Variants in GABRB3 observed in about 807,000 individuals in gnomAD.
The protein encoded by GABRB3 is gamma-aminobutyric acid receptor subunit beta-3.
In GABRB3, 14 loss-of-function variants were observed where a neutral mutation model predicts 52.1. The ratio of observed to expected loss-of-function variants is 0.27; its 90% confidence interval spans 0.18 to 0.42. The LOEUF (loss-of-function observed/expected upper bound fraction) is 0.42, where lower values mean the gene tolerates loss of function less well. Ranked by LOEUF, GABRB3 falls within the 10% of genes least tolerant of loss-of-function variation. The pLI, the probability that GABRB3 is intolerant of heterozygous loss-of-function variation, is 1.00. For missense variants in GABRB3, 307 were observed against 609.1 expected (o/e 0.50, Z 5.22); for synonymous variants, 260 against 232.3 (o/e 1.12, Z -1.08).
intron 3 of GABRB3, chr15:26,628,941 T>C (rs1399971975): frequency 6.5e-7 from 1 of 1,533,990 alleles, no homozygotes; most frequent in Non-Finnish European, 8.7e-7. Flanking sequence ...CCTCCACTCC[T>C]TGTGACTGCC....
At chr15:26,694,791 G>A (rs1051396333) in intron 3 of GABRB3, among the ~76,000 whole-genome samples, 1 of 152,160 alleles carries the variant, frequency 6.6e-6, no homozygotes, top group African/African-American at 2.4e-5. Flanking sequence ...AATATGCTTA[G>A]GGCTCTAATA....
intron 3 of GABRB3, among the ~76,000 whole-genome samples, chr15:26,684,902 T>C (rs1039538804): frequency 1.3e-5 from 2 of 152,168 alleles, no homozygotes; most frequent in African/African-American, 4.8e-5. Flanking sequence ...TTGCAAGAAT[T>C]ACCAAAATGT....
intron 3 of GABRB3, among the ~76,000 whole-genome samples, chr15:26,732,496 G>A (rs1021093774): frequency 2.0e-5 from 3 of 152,182 alleles, no homozygotes; most frequent in African/African-American, 7.2e-5. Flanking sequence ...GGGAGGCAGA[G>A]ATGGGAAAAT....
chr15:26,662,809 G>C (rs151281080), intron 3 of GABRB3, among the ~76,000 whole-genome samples: 18 of 152,230 alleles, frequency 1.2e-4, no homozygotes, highest in Non-Finnish European at 2.5e-4. Context: ...GGAACACAGA[G>C]GCAACTCCAA....
chr15:26,631,292 A>ATAT (rs1892907787), intron 3 of GABRB3, among the ~76,000 whole-genome samples: 1 of 152,230 alleles, frequency 6.6e-6, no homozygotes, highest in Middle Eastern at 3.2e-3. Flanking sequence ...AAGACATATA[A>ATAT]ACAACAAAGT....
At chr15:26,705,619 CAAAA>C (rs1033728425) in intron 3 of GABRB3, among the ~76,000 whole-genome samples, 2 of 151,996 alleles carry the variant, frequency 1.3e-5, no homozygotes, top group African/African-American at 4.8e-5. Context: ...AACAAACAAA[CAAAA>C]AACCCAGACA....
chr15:26,554,825 C>T (rs1889692848), intron 8 of GABRB3, among the ~76,000 whole-genome samples: 1 of 152,090 alleles, frequency 6.6e-6, no homozygotes, highest in Admixed American at 6.6e-5. Context: ...GAAATAAAAC[C>T]AACTGCTTAG....
intron 4 of GABRB3, chr15:26,616,191 G>A: frequency 1.4e-6 from 1 of 727,802 alleles, no homozygotes; most frequent in South Asian, 1.5e-5. Flanking sequence ...GGGCCAAGGA[G>A]AGGATGGAGG....
Position 26,633,969 on chromosome 15 carries a change from C to T in GABRB3, c.241-12435G>A, listed in dbSNP as rs186833474. Among the ~76,000 whole-genome samples the T allele has an allele frequency of 8.1e-4, 123 of 152,302 alleles. 3 individuals are homozygous for T. The highest frequency in any genetic ancestry group is 7.8e-3 in the Admixed American group (120 of 15,300). ...TCAAAGTGTGGCGTTTTCTCTAACTCGCTCAGTCAGGTACAACAAAGTGAC... is the reference window on the plus strand; with the variant it reads ...TCAAAGTGTGGCGTTTTCTCTAACTTGCTCAGTCAGGTACAACAAAGTGAC... On this transcript the variant is annotated intron_variant, in intron 3 of 8. Coordinates refer to ENST00000311550, the MANE Select transcript of GABRB3 (RefSeq NM_000814.6).
At chr15:26,695,430 A>ATACAG (rs1566808925) in intron 3 of GABRB3, among the ~76,000 whole-genome samples, 3 of 151,316 alleles carry the variant, frequency 2.0e-5, no homozygotes, top group South Asian at 2.1e-4. Context: ...CCATGAAAAC[A>ATACAG]TAGAGTAACA....
intron 4 of GABRB3, among the ~76,000 whole-genome samples, chr15:26,595,676 T>A (rs1414218429): frequency 1.3e-5 from 2 of 152,214 alleles, no homozygotes; most frequent in Admixed American, 6.5e-5. Context: ...CCATTTTGGA[T>A]GGTAATCTGC....
Position 26,621,186 on chromosome 15 carries a change from T to C in GABRB3, c.461+128A>G. ...TGAGATTTTTTTTTCTGCAAAGCTTTAGTGCTTCATAGATGCTTCCTAATT... is the reference window on the plus strand; with the variant it reads ...TGAGATTTTTTTTTCTGCAAAGCTTCAGTGCTTCATAGATGCTTCCTAATT... On this transcript the variant is annotated intron_variant, in intron 4 of 8. Transcript: ENST00000311550. This position sits in a 1 kb window ranked among gnomAD's most constrained non-coding sequence, Gnocchi z 4.1. The C allele has an allele frequency of 3.6e-6, 3 of 827,960 alleles. No individual in the cohort carries two copies. The allele number at this position is 827,960 out of a possible 1,614,324, so 51.3% of individuals were successfully genotyped here.
intron 8 of GABRB3, among the ~76,000 whole-genome samples, chr15:26,550,998 G>C (rs1889442114): frequency 6.6e-6 from 1 of 152,190 alleles, no homozygotes; most frequent in South Asian, 2.1e-4. Context: ...GCAAAGGCTT[G>C]AAGAGCACCT....
intron 3 of GABRB3, among the ~76,000 whole-genome samples, chr15:26,756,244 G>A (rs889863491): frequency 1.3e-5 from 2 of 151,618 alleles, no homozygotes; most frequent in African/African-American, 2.4e-5. Context: ...TGATCTTATC[G>A]ACTCCAGATG....
chr15:26,607,066 C>T (rs1183453524), intron 4 of GABRB3, among the ~76,000 whole-genome samples: 1 of 152,114 alleles, frequency 6.6e-6, no homozygotes, highest in Non-Finnish European at 1.5e-5. Flanking sequence ...AAGGCAAACG[C>T]CGAGCTGTAA....
intron 3 of GABRB3, among the ~76,000 whole-genome samples, chr15:26,720,414 C>T (rs903089139): frequency 2.0e-5 from 3 of 152,186 alleles, no homozygotes; most frequent in Non-Finnish European, 4.4e-5. Context: ...CTCAATCACA[C>T]AGCATTGTAG....
At chr15:26,729,302 G>A (rs1439025487) in intron 3 of GABRB3, among the ~76,000 whole-genome samples, 1 of 152,044 alleles carries the variant, frequency 6.6e-6, no homozygotes, top group Non-Finnish European at 1.5e-5. Context: ...TAAACCTACA[G>A]CTTTAGTCTG....
intron 7 of GABRB3, among the ~76,000 whole-genome samples, chr15:26,562,591 A>G (rs1231027228): frequency 6.6e-6 from 1 of 152,200 alleles, no homozygotes; most frequent in East Asian, 1.9e-4. Flanking sequence ...CCAGCCCTCC[A>G]GGGCAGAGTT....
chr15:26,543,619 A>C lies in GABRB3; in HGVS notation c.*4174T>G, dbSNP rs1400776217. 2 of 152,604 alleles carry C rather than the reference A, an allele frequency of 1.3e-5. No individual in the cohort carries two copies. The highest frequency in any genetic ancestry group is 4.8e-5 in the African/African-American group (2 of 41,440). 9.5% of individuals were successfully genotyped at this position (152,604 alleles called of 1,614,324 possible). ...AAGTTTCATATTGTATCTATCACTC[A>C]ATTTTGCTGTTTTTTCATGTCAAAT... On this transcript the variant is annotated 3_prime_UTR_variant, in exon 9 of 9. Transcript: ENST00000311550.
Sources: gnomAD v4.1 joint callset for allele counts (sites outside exome capture counted in the v4.1 genomes callset) on GRCh38, gnomAD v4.1.1 for gene constraint, Gnocchi (gnomAD v3.1) non-coding constraint, MANE v1.5 for transcripts, NCBI Gene and HGNC (gene_info 2026-07-23, HGNC 2026-07-21) for gene names.